Variants in RYR3 observed in about 807,000 individuals in gnomAD.
The protein encoded by RYR3 is ryanodine receptor 3, also known as brain ryanodine receptor-calcium release channel.
In RYR3, 207 loss-of-function variants were observed where a neutral mutation model predicts 584.3. That is an observed-to-expected ratio of 0.35 (90% CI 0.32 to 0.40). The LOEUF (loss-of-function observed/expected upper bound fraction) is 0.40, where lower values mean the gene tolerates loss of function less well. RYR3 is among the 10% of genes least tolerant of loss of function. RYR3 has a pLI of 1.00. For missense variants in RYR3, 5,616 were observed against 6,089.2 expected (o/e 0.92, Z 2.59); for synonymous variants, 2,416 against 2,248.5 (o/e 1.07, Z -2.11).
intron 82 of RYR3, 125 bp downstream of exon 82, chr15:33,825,801 C>A: frequency 1.7e-6 from 1 of 596,452 alleles, no homozygotes; most frequent in Non-Finnish European, 2.9e-6. Flanking sequence ...GGCGCGATCT[C>A]ACCTCACTGC....
At chr15:33,375,163 T>A (rs923130677) in intron 1 of RYR3, among the ~76,000 whole-genome samples, 6 of 152,234 alleles carry the variant, frequency 3.9e-5, no homozygotes, top group African/African-American at 1.2e-4. Context: ...TCTCTGTTTC[T>A]TTCTCTGTAA....
intron 10 of RYR3, among the ~76,000 whole-genome samples, chr15:33,555,881 G>C (rs1319959175): frequency 6.6e-6 from 1 of 152,190 alleles, no homozygotes; most frequent in East Asian, 1.9e-4. Context: ...CCCACACAAA[G>C]CTTGAGGCCA....
chr15:33,525,001 C>T (rs577728747), intron 3 of RYR3, among the ~76,000 whole-genome samples: 1 of 152,154 alleles, frequency 6.6e-6, no homozygotes, highest in African/African-American at 2.4e-5. Context: ...ATATCTGATG[C>T]ATCAAAGCAT....
chr15:33,717,398 T>C (rs1022340654), intron 43 of RYR3, among the ~76,000 whole-genome samples: 2 of 152,214 alleles, frequency 1.3e-5, no homozygotes, highest in Admixed American at 6.5e-5. Flanking sequence ...CCACCAACTT[T>C]TCAGATACTC....
At chr15:33,503,069 A>ATT (rs781484415) in intron 2 of RYR3, among the ~76,000 whole-genome samples, 20 of 152,292 alleles carry the variant, frequency 1.3e-4, no homozygotes, top group Admixed American at 2.0e-4. Flanking sequence ...AATTGGAATG[A>ATT]TTGTTATAGG....
intron 1 of RYR3, among the ~76,000 whole-genome samples, chr15:33,461,420 G>T (rs1461597585): frequency 6.6e-6 from 1 of 152,102 alleles, no homozygotes; most frequent in African/African-American, 2.4e-5. Context: ...GTCTGGTTTT[G>T]ATTCTTTTAG....
intron 18 of RYR3, among the ~76,000 whole-genome samples, chr15:33,612,123 G>A (rs1195182584): frequency 6.6e-6 from 1 of 152,110 alleles, no homozygotes; most frequent in Non-Finnish European, 1.5e-5. Context: ...AGAGGGGAGG[G>A]GTAGGTGGTT....
At position 33,696,274 on chromosome 15, in the gene RYR3, A is replaced by G; in HGVS notation, c.5917A>G (p.Ile1973Val). 2 of 1,613,616 alleles carry G rather than the reference A, an allele frequency of 1.2e-6. No individual in the cohort carries two copies. The highest frequency in any genetic ancestry group is 8.5e-7 in the Non-Finnish European group (1 of 1,179,682). ...GATCTGCTGGGCCCAGGAGGACCAG[A>G]TCCAGGATTCAGAGCTGGTCCGAAT... ...TMICWAQEDQ[I>V]QDSELVRMMF... is the part of the protein sequence containing the mutation. The change falls in exon 39 of 104, where the codon ATC becomes GTC. Residue 1973 changes from isoleucine (I) to valine (V), a missense_variant. By Grantham distance (29) the Ile-to-Val change is conservative. Around this residue, in one of 9 missense-constraint regions of RYR3, gnomAD observed 1,280 missense variants for 1,426.2 expected, o/e 0.90. Coordinates refer to ENST00000634891, the MANE Select transcript of RYR3 (RefSeq NM_001036.6).
intron 1 of RYR3, among the ~76,000 whole-genome samples, chr15:33,423,641 A>G (rs2044394722): frequency 1.4e-5 from 2 of 145,266 alleles, no homozygotes; most frequent in East Asian, 2.1e-4. Flanking sequence ...CTTTATCAAC[A>G]TTTATTATTT....
At chr15:33,363,687 A>G (rs1016332035) in intron 1 of RYR3, among the ~76,000 whole-genome samples, 2 of 152,212 alleles carry the variant, frequency 1.3e-5, no homozygotes, top group Non-Finnish European at 2.9e-5. Context: ...AGATGTTAAC[A>G]TAAAATGACT....
At chr15:33,780,154 A>G (rs1314808520) in intron 64 of RYR3, 57 bp from the exon 65 acceptor site, 13 of 1,592,128 alleles carry the variant, frequency 8.2e-6, no homozygotes, top group East Asian at 2.2e-5. Context: ...TGATCTGCCA[A>G]TGCATGGGGC....
At chr15:33,374,359 A>AGTGTGTGTGT (rs1454263422) in intron 1 of RYR3, among the ~76,000 whole-genome samples, 61 of 128,642 alleles carry the variant, frequency 4.7e-4, no homozygotes, top group Non-Finnish European at 8.9e-4. Context: ...TTCCTGTACG[A>AGTGTGTGTGT]GTGTATGTGT....
intron 16 of RYR3, among the ~76,000 whole-genome samples, chr15:33,598,121 A>G (rs1351056141): frequency 6.6e-6 from 1 of 151,876 alleles, no homozygotes; most frequent in African/African-American, 2.4e-5. Context: ...ATTAAACATA[A>G]AATTAAACTA....
At chr15:33,578,640 G>A (rs1477944147) in intron 12 of RYR3, among the ~76,000 whole-genome samples, 1 of 152,012 alleles carries the variant, frequency 6.6e-6, no homozygotes, top group Non-Finnish European at 1.5e-5. Context: ...AGAGCATCAG[G>A]AAAAATAGCT....
chr15:33,787,929 G>C (rs2074843785), intron 66 of RYR3, among the ~76,000 whole-genome samples: 1 of 152,232 alleles, frequency 6.6e-6, no homozygotes, highest in Non-Finnish European at 1.5e-5. Flanking sequence ...GAGCTAAGGG[G>C]TGTGGCATAG....
chr15:33,378,597 C>T (rs927210881), intron 1 of RYR3, among the ~76,000 whole-genome samples: 16 of 152,118 alleles, frequency 1.1e-4, no homozygotes, highest in African/African-American at 3.9e-4. Context: ...TATGGAATAA[C>T]CAGAAAAGTG....
intron 67 of RYR3, among the ~76,000 whole-genome samples, chr15:33,793,141 A>C (rs1032817147): frequency 6.6e-6 from 1 of 152,216 alleles, no homozygotes; most frequent in African/African-American, 2.4e-5. Context: ...TTACAGGCTT[A>C]TTAGAAAAGA....
chr15:33,800,427 G>C (rs1292346745), intron 67 of RYR3, among the ~76,000 whole-genome samples: 1 of 152,132 alleles, frequency 6.6e-6, no homozygotes. Context: ...AAAACTTAGA[G>C]CTTAACCTTA....
intron 2 of RYR3, among the ~76,000 whole-genome samples, chr15:33,477,515 A>G (rs907034627): frequency 2.3e-4 from 34 of 148,534 alleles, no homozygotes; most frequent in African/African-American, 6.8e-4. Flanking sequence ...TGGAAGCACT[A>G]TTATTCAGCT....
Sources: gnomAD v4.1 joint callset for allele counts (sites outside exome capture counted in the v4.1 genomes callset) on GRCh38, gnomAD v4.1.1 for gene constraint, gnomAD v4.1.1 regional missense constraint, MANE v1.5 for transcripts, NCBI Gene and HGNC (gene_info 2026-07-23, HGNC 2026-07-21) for gene names.